The following PCDH15 variants were observed in gnomAD, a reference collection of about 807,000 sequenced individuals.
PCDH15 encodes the protein protocadherin related 15, also known as protocadherin-15.
Under a neutral mutation model 178.5 loss-of-function variants are expected in PCDH15, and 129 were observed. The ratio of observed to expected loss-of-function variants is 0.72; its 90% CI spans 0.63 to 0.84. PCDH15 has a LOEUF of 0.84. Ranked by LOEUF, PCDH15 falls within the 40% of genes least tolerant of loss-of-function variation. PCDH15 has a pLI of 0.00. For synonymous variants in PCDH15, 800 were observed against 732.0 expected (o/e 1.09, Z -1.50); for missense variants, 2,230 against 2,099.9 (o/e 1.06, Z -1.21).
intron 2 of PCDH15, among the ~76,000 whole-genome samples, chr10:55,532,421 GTTTA>G (rs1841475092): frequency 6.6e-6 from 1 of 151,982 alleles, no homozygotes; most frequent in African/African-American, 2.4e-5. Context: ...ACCTCATGCA[GTTTA>G]TTTATTTAAC....
At chr10:54,531,260 C>A (rs533645022) in intron 2 of PCDH15, among the ~76,000 whole-genome samples, 1 of 152,102 alleles carries the variant, frequency 6.6e-6, no homozygotes, top group Admixed American at 6.6e-5. Context: ...GCCTGTTAGG[C>A]CTATACTCAT....
intron 3 of PCDH15, among the ~76,000 whole-genome samples, chr10:54,849,457 A>C (rs1953573932): frequency 6.6e-6 from 1 of 152,152 alleles, no homozygotes; most frequent in Admixed American, 6.5e-5. Flanking sequence ...CATTTTTCAT[A>C]ACCCATGCAC....
At chr10:55,468,854 T>G (rs916390117) in intron 2 of PCDH15, among the ~76,000 whole-genome samples, 4 of 152,178 alleles carry the variant, frequency 2.6e-5, no homozygotes, top group African/African-American at 4.8e-5. Context: ...AAGAGAAGAA[T>G]CATAATACTT....
At chr10:54,345,508 A>G (rs917140311) in intron 6 of PCDH15, among the ~76,000 whole-genome samples, 124 of 152,146 alleles carry the variant, frequency 8.2e-4, no homozygotes, top group African/African-American at 2.7e-3. Flanking sequence ...AAGTGGGGAG[A>G]TGTGAGGCAA....
chr10:53,861,962 T>C (rs974244119), intron 27 of PCDH15, among the ~76,000 whole-genome samples: 1 of 152,284 alleles, frequency 6.6e-6, no homozygotes, highest in African/African-American at 2.4e-5. Context: ...TTATGTATTT[T>C]CTTTTTTAAA....
At chr10:53,925,076 C>G (rs766869175) in intron 25 of PCDH15, among the ~76,000 whole-genome samples, 1 of 152,160 alleles carries the variant, frequency 6.6e-6, no homozygotes. Context: ...GGAATAAAAG[C>G]AGACTGCCCC....
At chr10:53,905,307 C>T in intron 25 of PCDH15, 1 of 493,128 alleles carries the variant, frequency 2.0e-6, no homozygotes. Flanking sequence ...AAATGTTAAA[C>T]CAACCACCAT....
intron 2 of PCDH15, among the ~76,000 whole-genome samples, chr10:54,537,855 C>T (rs946425379): frequency 6.6e-6 from 1 of 151,972 alleles, no homozygotes; most frequent in Non-Finnish European, 1.5e-5. Flanking sequence ...ATTTGCGTTT[C>T]TCTGATGATT....
chr10:54,686,531 C>G (rs192971402), intron 1 of PCDH15, among the ~76,000 whole-genome samples: 10 of 152,186 alleles, frequency 6.6e-5, no homozygotes, highest in Admixed American at 2.6e-4. Flanking sequence ...TCTTTTTGCA[C>G]TTTAATGATT....
At chr10:53,809,491 T>C in intron 37 of PCDH15, 1 of 1,613,960 alleles carries the variant, frequency 6.2e-7, no homozygotes. Flanking sequence ...TACTTCTTCC[T>C]CCTCACTAGG....
At chr10:54,853,824 T>A (rs1953687453) in intron 3 of PCDH15, among the ~76,000 whole-genome samples, 1 of 152,110 alleles carries the variant, frequency 6.6e-6, no homozygotes, top group African/African-American at 2.4e-5. Flanking sequence ...TCTTTTCAAG[T>A]TTTAATTTTG....
At position 53,897,959 on chromosome 10, in the gene PCDH15, C is replaced by CTTTTTTTTTTTTTTT. The variant is rs66513139; in HGVS notation, c.3501+5269_3501+5283dup. On this transcript the variant is annotated intron_variant, in intron 26 of 37. Coordinates refer to ENST00000644397, the MANE Select transcript of PCDH15 (RefSeq NM_001384140.1). ...TGAACATATGTGTTGTTTCTTTTCCCTTTTTTTTTTTTTTTTTTTTTTTTT... is the reference window on the plus strand; with the variant it reads ...TGAACATATGTGTTGTTTCTTTTCCCTTTTTTTTTTTTTTTTTTTTTTTTTTTTTTTTTTTTTTTT... Among the ~76,000 whole-genome samples the CTTTTTTTTTTTTTTT allele has an allele frequency of 3.0e-4, 25 of 82,406 alleles. 1 individual carries two copies. Among genetic ancestry groups the CTTTTTTTTTTTTTTT allele is most frequent in the African/African-American group, 1.2e-3 (22 of 18,412 alleles). 54.1% of individuals were successfully genotyped at this position (82,406 alleles called of 152,430 possible). A position where few individuals can be genotyped will look rare whatever the true frequency, so the allele number is the denominator to read the frequency against.
rs368566279 is a variant in PCDH15, at chr10:55,525,997, CA to C, written c.-156+101627del. ...AATGAGTCATTAGATTGAGAGTTGT[CA>C]GGATCAATAAATGTGCATTTTAAAT... On this transcript the variant is annotated intron_variant, in intron 2 of 5. Coordinates refer to the PCDH15 transcript ENST00000613346. Among the ~76,000 whole-genome samples the C allele has an allele frequency of 5.4e-4, 82 of 151,980 alleles. 2 individuals carry two copies. In the East Asian group the frequency reaches 0.01, roughly 19 times the overall value.
intron 25 of PCDH15, among the ~76,000 whole-genome samples, chr10:53,926,065 G>A (rs1255230116): frequency 6.6e-6 from 1 of 151,956 alleles, no homozygotes; most frequent in African/African-American, 2.4e-5. Flanking sequence ...AATCATCCTT[G>A]ATTTCTTCCT....
intron 7 of PCDH15, among the ~76,000 whole-genome samples, chr10:54,324,965 G>A (rs912576473): frequency 6.6e-6 from 1 of 151,654 alleles, no homozygotes. Flanking sequence ...CAAAGTTGAG[G>A]TTATAATAAT....
rs116313313 is a variant in PCDH15, at chr10:54,971,651, T to C, written c.-79-74151A>G. 9.2e-3 allele frequency among the ~76,000 whole-genome samples: 1,405 copies of C among 152,308 alleles called. 23 individuals carry two copies. The highest frequency in any genetic ancestry group is 0.03 in the African/African-American group (1,266 of 41,568). On this transcript the variant is annotated intron_variant, in intron 2 of 5. Transcript: ENST00000458638. ...ACGTATTTTGGCAAGACACAGACAC[T>C]CTTCCTCCCACTTCAATAACTAGAA...
chr10:55,603,242 T>C (rs1386669063), intron 2 of PCDH15, among the ~76,000 whole-genome samples: 3 of 151,660 alleles, frequency 2.0e-5, no homozygotes, highest in Non-Finnish European at 2.9e-5. Flanking sequence ...TATGGGACTA[T>C]GTGAGATGAC....
chr10:55,063,252 G>T (rs1005570375), intron 2 of PCDH15, among the ~76,000 whole-genome samples: 2 of 151,974 alleles, frequency 1.3e-5, no homozygotes, highest in African/African-American at 4.8e-5. Flanking sequence ...AAAAAACCTG[G>T]ACGTTTTATA....
intron 3 of PCDH15, among the ~76,000 whole-genome samples, chr10:54,425,942 A>G (rs889426191): frequency 3.3e-5 from 5 of 152,214 alleles, no homozygotes; most frequent in African/African-American, 1.2e-4. Flanking sequence ...GTCCAAAGCC[A>G]TGGATAAACT....
Sources: allele counts gnomAD v4.1 joint callset (sites outside exome capture counted in the v4.1 genomes callset), GRCh38; gene constraint gnomAD v4.1.1; transcripts MANE v1.5; gene names NCBI Gene and HGNC (gene_info 2026-07-23, HGNC 2026-07-21).